Variants in CNTN5 observed in about 807,000 individuals in gnomAD.
The protein encoded by CNTN5 is contactin 5.
In CNTN5, 77 loss-of-function variants were observed where a neutral mutation model predicts 129.1. The ratio of observed to expected loss-of-function variants is 0.60; its 90% CI spans 0.50 to 0.72. CNTN5 has a LOEUF of 0.72. Ranked by LOEUF, CNTN5 falls within the 30% of genes least tolerant of loss-of-function variation. The probability of loss-of-function intolerance (pLI) is 0.00; values close to 1 mark genes in which losing one functional copy is unlikely to be tolerated. For missense variants in CNTN5, 1,478 were observed against 1,328.8 expected (o/e 1.11, Z -1.75); for synonymous variants, 509 against 465.6 (o/e 1.09, Z -1.20).
chr11:100,042,038 C>G (rs146101168), intron 9 of CNTN5, among the ~76,000 whole-genome samples: 2 of 152,110 alleles, frequency 1.3e-5, no homozygotes, highest in Non-Finnish European at 2.9e-5. Flanking sequence ...TTGGAGACTG[C>G]GACAATGTGG....
chr11:99,136,286 A>G (rs1859213921), intron 1 of CNTN5, among the ~76,000 whole-genome samples: 1 of 152,228 alleles, frequency 6.6e-6, no homozygotes, highest in Middle Eastern at 3.4e-3. Context: ...AGAATCCCAG[A>G]TTGTATTTCT....
chr11:99,438,650 G>A (rs1480530586), intron 2 of CNTN5, among the ~76,000 whole-genome samples: 2 of 152,004 alleles, frequency 1.3e-5, no homozygotes, highest in African/African-American at 4.8e-5. Flanking sequence ...TATCTAAAGA[G>A]GACACTGTAT....
intron 1 of CNTN5, among the ~76,000 whole-genome samples, chr11:99,234,449 T>C (rs1165385172): frequency 6.6e-6 from 1 of 151,820 alleles, no homozygotes; most frequent in Non-Finnish European, 1.5e-5. Context: ...AACTGTTAAC[T>C]ATTTACAGGC....
intron 21 of CNTN5, among the ~76,000 whole-genome samples, chr11:100,318,012 T>C (rs996261211): frequency 1.3e-5 from 2 of 152,062 alleles, no homozygotes; most frequent in Non-Finnish European, 2.9e-5. Flanking sequence ...GAGGCCCAGA[T>C]GGGCGGATCA....
At chr11:99,874,839 A>G (rs528018760) in intron 6 of CNTN5, among the ~76,000 whole-genome samples, 1 of 152,234 alleles carries the variant, frequency 6.6e-6, no homozygotes, top group South Asian at 2.1e-4. Context: ...ATTCTTTTGG[A>G]AGCTCAATTT....
chr11:99,047,543 C>T (rs907231073), intron 1 of CNTN5, among the ~76,000 whole-genome samples: 1 of 152,004 alleles, frequency 6.6e-6, no homozygotes, highest in African/African-American at 2.4e-5. Flanking sequence ...AAGTATATAA[C>T]ATTTTGTTAC....
rs772491976 is a variant in CNTN5, at chr11:100,271,209, C to A, written c.2282C>A (p.Thr761Asn). Residue 761 changes from threonine to asparagine, a missense_variant, in exon 18 of 25, where the codon ACC becomes AAC. Thr to Asn is a moderately conservative substitution (Grantham distance 65). Transcript: ENST00000524871. ...CCTATTGGGACAGGAGATCCAAGCA[C>A]CCCATCTCGAATGATCCGCACAAAT... The part of the protein sequence containing the change: ...TNPIGTGDPS[T>N]PSRMIRTNEA... 1 of 1,611,028 alleles carries A rather than the reference C, an allele frequency of 6.2e-7. No individual in the cohort carries two copies. Among genetic ancestry groups the A allele is most frequent in the South Asian group, 1.1e-5 (1 of 90,616 alleles).
chr11:100,100,163 T>C (rs1945170834), intron 13 of CNTN5, among the ~76,000 whole-genome samples: 1 of 152,114 alleles, frequency 6.6e-6, no homozygotes, highest in East Asian at 1.9e-4. Flanking sequence ...TTCAAAAAGA[T>C]TGTTTCTGAC....
At chr11:99,537,164 G>A (rs1947931984) in intron 2 of CNTN5, among the ~76,000 whole-genome samples, 1 of 152,098 alleles carries the variant, frequency 6.6e-6, no homozygotes, top group African/African-American at 2.4e-5. Context: ...AAACCTGGAT[G>A]GTCTAACCAC....
At chr11:99,112,039 A>G (rs2135384301) in intron 1 of CNTN5, among the ~76,000 whole-genome samples, 1 of 152,200 alleles carries the variant, frequency 6.6e-6, no homozygotes, top group African/African-American at 2.4e-5. Context: ...AATTATTTTA[A>G]TAAAATAGAT....
chr11:99,133,350 G>T (rs973021877), intron 1 of CNTN5, among the ~76,000 whole-genome samples: 2 of 149,644 alleles, frequency 1.3e-5, no homozygotes, highest in African/African-American at 4.9e-5. Flanking sequence ...CATGGGCAAA[G>T]ATTTTATGAT....
At chr11:99,832,301 G>A (rs991563963) in intron 4 of CNTN5, among the ~76,000 whole-genome samples, 1 of 152,084 alleles carries the variant, frequency 6.6e-6, no homozygotes, top group African/African-American at 2.4e-5. Context: ...TCCCAACGAG[G>A]CAAAAACTGT....
chr11:99,936,939 C>A (rs928238327), intron 7 of CNTN5, among the ~76,000 whole-genome samples: 17 of 152,042 alleles, frequency 1.1e-4, no homozygotes, highest in African/African-American at 4.1e-4. Flanking sequence ...AGCAAGGAAA[C>A]AACCATGATA....
rs953923356 is a variant in CNTN5 at position 99,102,780 on chromosome 11, A to T, written c.-210+81510A>T. On this transcript the variant is annotated intron_variant, in intron 1 of 24. Transcript: ENST00000524871. ...ATTTTTCTGTCTTCTGTGCCCTCCA[A>T]ACTGTTCCAACCTCTGCCTGTTACC... Among the ~76,000 whole-genome samples the T allele has an allele frequency of 2.6e-5, 4 of 151,992 alleles. No homozygotes were observed. The South Asian group carries it at 8.3e-4, about 32-fold the overall frequency.
intron 9 of CNTN5, among the ~76,000 whole-genome samples, chr11:100,031,899 G>T (rs1941730649): frequency 6.6e-6 from 1 of 152,010 alleles, no homozygotes; most frequent in Non-Finnish European, 1.5e-5. Context: ...ACAAATGCTG[G>T]TATATCCAGT....
chr11:99,885,297 AAAAG>A (rs1948873533), intron 6 of CNTN5, among the ~76,000 whole-genome samples: 2 of 152,122 alleles, frequency 1.3e-5, no homozygotes, highest in African/African-American at 2.4e-5. Context: ...AAAAAAAAGA[AAAAG>A]AAAGAAAGAA....
At chr11:99,873,446 C>G (rs1174851444) in intron 6 of CNTN5, among the ~76,000 whole-genome samples, 1 of 151,904 alleles carries the variant, frequency 6.6e-6, no homozygotes, top group African/African-American at 2.4e-5. Flanking sequence ...AATAAAGCAG[C>G]CAACCGATAA....
intron 1 of CNTN5, among the ~76,000 whole-genome samples, chr11:99,238,041 T>C (rs79779752): frequency 0.017 from 2,583 of 152,270 alleles, 86 homozygotes; most frequent in African/African-American, 0.059. Context: ...TGTAACATAT[T>C]TTTCCTGTAA....
rs940902610 is a variant in CNTN5, at chr11:100,289,188, G to A, written c.2315-8437G>A. 2.0e-4 allele frequency among the ~76,000 whole-genome samples: 31 copies of A among 151,644 alleles called. 1 individual carries two copies. In the South Asian group the frequency reaches 5.2e-3, roughly 25 times the overall value. On this transcript the variant is annotated intron_variant, in intron 18 of 24. Coordinates refer to ENST00000524871, the MANE Select transcript of CNTN5 (RefSeq NM_014361.4). ...CGAATTCTACCAGAGGTACAAGGAG[G>A]AACTGGTACCATTCCTTCTGAAACT...
Sources: allele counts gnomAD v4.1 joint callset (sites outside exome capture counted in the v4.1 genomes callset), GRCh38; gene constraint gnomAD v4.1.1; transcripts MANE v1.5; gene names NCBI Gene and HGNC (gene_info 2026-07-23, HGNC 2026-07-21).